The following NUP93 variants were observed in gnomAD, a reference collection of about 807,000 sequenced individuals.
NUP93 encodes the protein nucleoporin 93, also known as nuclear pore complex protein Nup93.
Under a neutral mutation model 107.8 loss-of-function variants are expected in NUP93, and 55 were observed. The ratio of observed to expected loss-of-function variants is 0.51; its 90% CI spans 0.41 to 0.64. NUP93 has a LOEUF of 0.64. NUP93 is among the 30% of genes least tolerant of loss of function. The pLI, the probability that NUP93 is intolerant of heterozygous loss-of-function variation, is 0.00. For synonymous variants in NUP93, 390 were observed against 397.5 expected (o/e 0.98, Z 0.22); for missense variants, 937 against 1,044.7 (o/e 0.90, Z 1.42).
At position 56,800,041 on chromosome 16, in the gene NUP93, G is replaced by A. The variant is rs190939137; in HGVS notation, c.360+1503G>A. Among the ~76,000 whole-genome samples, 960 of 152,254 alleles carry A rather than the reference G, an allele frequency of 6.3e-3. 9 individuals carry two copies. Among genetic ancestry groups the A allele is most frequent in the African/African-American group, 0.022 (909 of 41,548 alleles). ...CTACTAAAAATACAAAAATTAGCCA[G>A]GTGTGGTGGCGCACACCTATAGTCC... On this transcript the variant is annotated intron_variant, in intron 4 of 21. Transcript: ENST00000308159.
chr16:56,796,706 C>T (rs886370213), intron 3 of NUP93, among the ~76,000 whole-genome samples: 1 of 152,184 alleles, frequency 6.6e-6, no homozygotes, highest in Non-Finnish European at 1.5e-5. Context: ...CAGCTGGGTA[C>T]GGTGGTTCAC....
chr16:56,836,240 T>G (rs1290473416), intron 16 of NUP93, among the ~76,000 whole-genome samples: 1 of 152,228 alleles, frequency 6.6e-6, no homozygotes, highest in Non-Finnish European at 1.5e-5. Context: ...CAGATATTTT[T>G]TCTAAGCCTC....
chr16:56,793,503 G>C (rs1962814599), intron 3 of NUP93, among the ~76,000 whole-genome samples: 1 of 152,130 alleles, frequency 6.6e-6, no homozygotes, highest in Non-Finnish European at 1.5e-5. Flanking sequence ...TCACGTTCCA[G>C]CTCCCTTCTC....
chr16:56,822,707 C>T (rs372403184), intron 7 of NUP93, among the ~76,000 whole-genome samples: 1 of 151,822 alleles, frequency 6.6e-6, no homozygotes, highest in South Asian at 2.1e-4. Context: ...ACTACAGGCA[C>T]CTGCCACCAT....
At chr16:56,731,462 C>T (rs1446570928) in intron 1 of NUP93, among the ~76,000 whole-genome samples, 1 of 150,640 alleles carries the variant, frequency 6.6e-6, no homozygotes, top group Non-Finnish European at 1.5e-5. Flanking sequence ...TGCAGTGGTG[C>T]GATCTCGTGT....
At chr16:56,839,500 G>GCCC in intron 19 of NUP93, 21 bp from the exon 20 acceptor site, 15 of 1,589,678 alleles carry the variant, frequency 9.4e-6, no homozygotes, top group Non-Finnish European at 1.3e-5. Flanking sequence ...GTTACATGGG[G>GCCC]CCGGTGGTTG....
intron 5 of NUP93, 160 bp downstream of exon 5, chr16:56,805,792 C>G: frequency 1.4e-6 from 1 of 717,502 alleles, no homozygotes; most frequent in Non-Finnish European, 2.3e-6. Context: ...TGGACTTCCT[C>G]CAACATGTCT....
At chr16:56,832,044 C>T (rs111791291) in intron 11 of NUP93, 37 bp downstream of exon 11, 13 of 1,609,754 alleles carry the variant, frequency 8.1e-6, no homozygotes, top group African/African-American at 8.0e-5. Context: ...AGGGCTTTAC[C>T]CCTTTTCTGT....
At chr16:56,731,966 A>C (rs1961542783) in intron 1 of NUP93, among the ~76,000 whole-genome samples, 1 of 152,090 alleles carries the variant, frequency 6.6e-6, no homozygotes. Flanking sequence ...ACAGTGAGCT[A>C]TAAGGCTTTA....
At chr16:56,753,414 A>G (rs1961959624) in intron 2 of NUP93, among the ~76,000 whole-genome samples, 1 of 151,956 alleles carries the variant, frequency 6.6e-6, no homozygotes, top group African/African-American at 2.4e-5. Context: ...GGAGCATGTT[A>G]AATGATATCA....
chr16:56,789,299 A>G (rs576572456), intron 3 of NUP93, among the ~76,000 whole-genome samples: 1 of 152,374 alleles, frequency 6.6e-6, no homozygotes, highest in African/African-American at 2.4e-5. Context: ...TGCACATTCA[A>G]TTCTCTTTAA....
chr16:56,844,546 A>T lies in NUP93; in HGVS notation c.2397A>T (p.Ile799=), dbSNP rs1197564817. ...CTCTGATTACCTTTGCTGGAATGAT[A>T]CCATACCGAACGTCTGGGGACACCA... ...ARTLITFAGM[I]PYRTSGDTNA... The change falls in exon 22 of 22, where the codon ATA becomes ATT. Residue 799 remains isoleucine, a synonymous_variant. Transcript: ENST00000308159. The T allele has an allele frequency of 1.3e-6, 2 of 1,571,444 alleles. No homozygotes were observed. The highest frequency in any genetic ancestry group is 1.7e-4 in the Middle Eastern group (1 of 5,902).
chr16:56,786,875 T>C (rs546042459), intron 3 of NUP93, among the ~76,000 whole-genome samples: 1 of 152,236 alleles, frequency 6.6e-6, no homozygotes, highest in Non-Finnish European at 1.5e-5. Context: ...TGAAAGGTTT[T>C]AGCTCGCTGT....
chr16:56,766,224 TAAAGAAG>T (rs1962214092), intron 3 of NUP93, among the ~76,000 whole-genome samples: 1 of 152,152 alleles, frequency 6.6e-6, no homozygotes, highest in South Asian at 2.1e-4. Context: ...ATTACCAACT[TAAAGAAG>T]AAAGAAGTTG....
At chr16:56,833,997 A>T in intron 13 of NUP93, 131 bp from the exon 14 acceptor site, 1 of 1,297,206 alleles carries the variant, frequency 7.7e-7, no homozygotes, top group Non-Finnish European at 1.1e-6. Context: ...GCCAAAGCTT[A>T]TATTAGCAAA....
chr16:56,784,940 T>C (rs1233815120), intron 3 of NUP93, among the ~76,000 whole-genome samples: 6 of 152,216 alleles, frequency 3.9e-5, no homozygotes, highest in Admixed American at 3.9e-4. Flanking sequence ...ATAGGAAGGT[T>C]CGGTTGTTGT....
At chr16:56,835,966 A>C (rs955771524) in intron 16 of NUP93, among the ~76,000 whole-genome samples, 2 of 152,008 alleles carry the variant, frequency 1.3e-5, no homozygotes, top group Non-Finnish European at 2.9e-5. Context: ...GTCTCTATTA[A>C]AAATACAAAA....
intron 1 of NUP93, among the ~76,000 whole-genome samples, chr16:56,740,065 G>A (rs1374028681): frequency 1.9e-5 from 2 of 107,866 alleles, no homozygotes; most frequent in Admixed American, 9.1e-5. Flanking sequence ...GCGGCTGGCC[G>A]GGCGGAGGGC....
In NUP93 at chr16:56,836,584, A is replaced by G; in HGVS notation, c.1783-17A>G. The stretch of plus-strand genomic sequence containing the variant: ...CCCGTCTCTCTCTTCCTCCCCCTCC[A>G]TAATTTGTCTTGTCAGCCTGGAGTC... On this transcript the variant is annotated splice_polypyrimidine_tract_variant and intron_variant, in intron 16 of 21. Transcript: ENST00000308159. The G allele has an allele frequency of 6.8e-7, 1 of 1,472,034 alleles. No homozygotes were observed. The highest frequency in any genetic ancestry group is 9.5e-7 in the Non-Finnish European group (1 of 1,051,960). 91.2% of individuals were successfully genotyped at this position (1,472,034 alleles called of 1,614,324 possible). A position where few individuals can be genotyped will look rare whatever the true frequency, so the allele number is the denominator to read the frequency against.
Sources: allele counts gnomAD v4.1 joint callset (sites outside exome capture counted in the v4.1 genomes callset), GRCh38; gene constraint gnomAD v4.1.1; transcripts MANE v1.5; gene names NCBI Gene and HGNC (gene_info 2026-07-23, HGNC 2026-07-21).